The following PPP2CB variants were observed in gnomAD, a reference collection of about 807,000 sequenced individuals.
PPP2CB encodes protein phosphatase 2 catalytic subunit beta, also known as serine/threonine-protein phosphatase 2A catalytic subunit beta isoform.
PPP2CB carries 18 observed loss-of-function variants against 39.1 expected under a neutral mutation model. The observed-to-expected ratio is 0.46, with a 90% CI of 0.32 to 0.68. The LOEUF (loss-of-function observed/expected upper bound fraction) is 0.68, where lower values mean the gene tolerates loss of function less well. Ranked by LOEUF, PPP2CB falls within the 30% of genes least tolerant of loss-of-function variation. The pLI is 0.04. For missense variants in PPP2CB, 226 were observed against 396.9 expected (o/e 0.57, Z 3.66); for synonymous variants, 129 against 133.8 (o/e 0.96, Z 0.25).
At chr8:30,797,951 A>G (rs1215511909) in intron 2 of PPP2CB, among the ~76,000 whole-genome samples, 197 bp from the exon 3 acceptor site, 1 of 152,190 alleles carries the variant, frequency 6.6e-6, no homozygotes, top group African/African-American at 2.4e-5. Context: ...GTTTATTATA[A>G]TCATCCTTTT....
At chr8:30,788,330 C>T (rs950992391) in intron 6 of PPP2CB, among the ~76,000 whole-genome samples, 3 of 151,774 alleles carry the variant, frequency 2.0e-5, no homozygotes, top group African/African-American at 7.3e-5. Flanking sequence ...GTGCTGTGAT[C>T]ATAGCTCATT....
chr8:30,802,119 C>T (rs1281335896), intron 1 of PPP2CB, among the ~76,000 whole-genome samples: 1 of 152,116 alleles, frequency 6.6e-6, no homozygotes, highest in African/African-American at 2.4e-5. Context: ...GACAATGTAG[C>T]CCATACTTTC....
intron 2 of PPP2CB, among the ~76,000 whole-genome samples, chr8:30,799,002 G>A (rs960520300): frequency 6.6e-6 from 1 of 152,150 alleles, no homozygotes; most frequent in Non-Finnish European, 1.5e-5. Context: ...CCGCTGGCAG[G>A]CAAAAATTCA....
intron 2 of PPP2CB, among the ~76,000 whole-genome samples, chr8:30,799,018 G>C (rs1469285580): frequency 6.6e-6 from 1 of 152,180 alleles, no homozygotes; most frequent in African/African-American, 2.4e-5. Flanking sequence ...ATTCAGACTA[G>C]ACTATAGAAG....
At chr8:30,797,446 A>C in intron 3 of PPP2CB, 135 bp downstream of exon 3, 1 of 834,644 alleles carries the variant, frequency 1.2e-6, no homozygotes, top group Non-Finnish European at 1.7e-6. Context: ...TGAAATTTTA[A>C]GTATAAGGGA....
intron 1 of PPP2CB, among the ~76,000 whole-genome samples, chr8:30,806,730 A>T (rs1402672727): frequency 6.6e-6 from 1 of 152,218 alleles, no homozygotes; most frequent in Non-Finnish European, 1.5e-5. Flanking sequence ...ATTCGTACTG[A>T]AGAGAAAAGA....
At chr8:30,798,996 T>C (rs1806572039) in intron 2 of PPP2CB, among the ~76,000 whole-genome samples, 1 of 152,172 alleles carries the variant, frequency 6.6e-6, no homozygotes, top group African/African-American at 2.4e-5. Flanking sequence ...TACCAACCGC[T>C]GGCAGGCAAA....
chr8:30,795,332 C>G (rs1806505001), intron 3 of PPP2CB, among the ~76,000 whole-genome samples: 1 of 152,112 alleles, frequency 6.6e-6, no homozygotes, highest in Non-Finnish European at 1.5e-5. Context: ...CCAGGCTGGT[C>G]TTGAACTCCC....
chr8:30,786,368 T>C, intron 6 of PPP2CB, 61 bp from the exon 7 acceptor site: 1 of 1,360,940 alleles, frequency 7.3e-7, no homozygotes. Context: ...AACAAATGAA[T>C]AAAGAACAAG....
intron 1 of PPP2CB, among the ~76,000 whole-genome samples, chr8:30,800,075 T>C (rs1806594678): frequency 6.6e-6 from 1 of 152,210 alleles, no homozygotes; most frequent in Admixed American, 6.5e-5. Flanking sequence ...CACTCCTAGG[T>C]ATATACTCAA....
rs11996580 is a variant in PPP2CB, at chr8:30,786,221, T to G, written c.*14A>C. On this transcript the variant is annotated 3_prime_UTR_variant, in exon 7 of 7. Transcript: ENST00000221138. The stretch of plus-strand genomic sequence containing the variant: ...TATACTTCCACATACAAAGGCAGGT[T>G]TCCCAGGAGAAATTTATAGGAAGTA... The G allele has an allele frequency of 1.8e-4, 280 of 1,546,458 alleles. No homozygotes were observed. In the African/African-American group the frequency reaches 2.8e-3, roughly 15 times the overall value.
At position 30,799,591 on chromosome 8, in the gene PPP2CB, T is replaced by C; in HGVS notation, c.267A>G (p.Arg89=). The C allele has an allele frequency of 6.2e-7, 1 of 1,613,986 alleles. No individual in the cohort carries two copies. Among genetic ancestry groups the C allele is most frequent in the Non-Finnish European group, 8.5e-7 (1 of 1,179,862 alleles). ...TCACAGTCTCCACTGAATAATATCCTCTGTCTACATAGTCACCCATGAATA... is the reference window on the plus strand; with the variant it reads ...TCACAGTCTCCACTGAATAATATCCCCTGTCTACATAGTCACCCATGAATA... ...NYLFMGDYVD[R]GYYSVETVTL... Residue 89 remains arginine, a synonymous_variant, in exon 2 of 7, where the codon AGA becomes AGG. Transcript: ENST00000221138.
In PPP2CB at chr8:30,785,869, A is replaced by C. The variant is rs1376446294; in HGVS notation, c.*366T>G. 1 of 345,600 alleles carries C rather than the reference A, an allele frequency of 2.9e-6. No homozygotes were observed. Among genetic ancestry groups the C allele is most frequent in the Non-Finnish European group, 5.7e-6 (1 of 176,326 alleles). 21.4% of individuals were successfully genotyped at this position (345,600 alleles called of 1,614,324 possible). A position where few individuals can be genotyped will look rare whatever the true frequency, so the allele number is the denominator to read the frequency against. ...GCTTGTGAATTTTTCTTAAAAATAA[A>C]ACTCCAACTCTATTAATCCATGCCA... On this transcript the variant is annotated 3_prime_UTR_variant, in exon 7 of 7. Transcript: ENST00000221138.
At chr8:30,799,812 TAAA>T in intron 1 of PPP2CB, 57 bp from the exon 2 acceptor site, 3 of 1,502,112 alleles carry the variant, frequency 2.0e-6, no homozygotes, top group Non-Finnish European at 2.7e-6. Flanking sequence ...TCTTATCTAT[TAAA>T]AGAAAATTTG....
rs1178022991 is a variant in PPP2CB at position 30,786,244 on chromosome 8, G to A, written c.921C>T (p.Tyr307=). The part of the protein sequence containing the change: ...EPHVTRRTPD[Y]FL ...GTTTCCCAGGAGAAATTTATAGGAAGTAGTCTGGGGTGCGCCGTGTAACAT... is the reference window on the plus strand; with the variant it reads ...GTTTCCCAGGAGAAATTTATAGGAAATAGTCTGGGGTGCGCCGTGTAACAT... Residue 307 remains tyrosine, a synonymous_variant, in exon 7 of 7, where the codon TAC becomes TAT. Transcript: ENST00000221138. 5 of 1,572,980 alleles carry A rather than the reference G, an allele frequency of 3.2e-6. No individual in the cohort carries two copies. The African/African-American group carries it at 5.4e-5, about 17-fold the overall frequency.
At chr8:30,811,825 C>A (rs1319690212) in intron 1 of PPP2CB, among the ~76,000 whole-genome samples, 1 of 152,050 alleles carries the variant, frequency 6.6e-6, no homozygotes, top group East Asian at 1.9e-4. Context: ...TCTGAGGTGC[C>A]CCGTTCACCT....
intron 1 of PPP2CB, among the ~76,000 whole-genome samples, chr8:30,803,153 A>G (rs1806654615): frequency 1.3e-5 from 2 of 152,172 alleles, no homozygotes; most frequent in African/African-American, 2.4e-5. Flanking sequence ...CTTTATAGGT[A>G]TATTTAAGAT....
chr8:30,799,866 T>C (rs1806592046), intron 1 of PPP2CB, 111 bp from the exon 2 acceptor site: 2 of 843,954 alleles, frequency 2.4e-6, no homozygotes, highest in Non-Finnish European at 3.7e-6. Flanking sequence ...AAAGCGTATG[T>C]GAAAACCAAA....
At chr8:30,798,027 T>A (rs1003044901) in intron 2 of PPP2CB, among the ~76,000 whole-genome samples, 4 of 152,252 alleles carry the variant, frequency 2.6e-5, no homozygotes, top group African/African-American at 9.6e-5. Flanking sequence ...AATAAACTTG[T>A]ATCTGATACT....
Sources: gnomAD v4.1 joint callset for allele counts (sites outside exome capture counted in the v4.1 genomes callset) on GRCh38, gnomAD v4.1.1 for gene constraint, MANE v1.5 for transcripts, NCBI Gene and HGNC (gene_info 2026-07-23, HGNC 2026-07-21) for gene names.